TXNRD1: variants seen among roughly 807,000 people sequenced by gnomAD.
TXNRD1 encodes thioredoxin reductase 1, cytoplasmic.
In TXNRD1, 57 loss-of-function variants were observed where a neutral mutation model predicts 80.3. The ratio of observed to expected loss-of-function variants is 0.71; its 90% CI spans 0.57 to 0.89. The LOEUF (loss-of-function observed/expected upper bound fraction) is 0.89, where lower values mean the gene tolerates loss of function less well. Ranked by LOEUF, TXNRD1 falls within the 40% of genes least tolerant of loss-of-function variation. The probability of loss-of-function intolerance (pLI) is 0.00; values close to 1 mark genes in which losing one functional copy is unlikely to be tolerated. For synonymous variants in TXNRD1, 291 were observed against 285.2 expected, an observed-to-expected ratio of 1.02 and a Z score of -0.20; for missense variants, 730 against 803.0, an observed-to-expected ratio of 0.91 and a Z score of 1.10.
intron 4 of TXNRD1, among the ~76,000 whole-genome samples, chr12:104,298,100 A>C (rs1239431556): frequency 6.6e-6 from 1 of 152,220 alleles, no homozygotes; most frequent in African/African-American, 2.4e-5. Flanking sequence ...AGACTCTTTT[A>C]CTTCTCCAAT....
At chr12:104,307,588 G>GC (rs1342169733) in intron 4 of TXNRD1, among the ~76,000 whole-genome samples, 1 of 152,220 alleles carries the variant, frequency 6.6e-6, no homozygotes, top group African/African-American at 2.4e-5. Context: ...GAGTGGTAGA[G>GC]CAAGTATTTT....
intron 4 of TXNRD1, among the ~76,000 whole-genome samples, chr12:104,307,885 G>A (rs147411386): frequency 9.5e-4 from 144 of 152,304 alleles, no homozygotes; most frequent in Non-Finnish European, 1.5e-3. Flanking sequence ...ACAGTTGCCT[G>A]CAGGTCATCT....
At chr12:104,278,740 A>G (rs1593743187) in intron 3 of TXNRD1, among the ~76,000 whole-genome samples, 1 of 151,894 alleles carries the variant, frequency 6.6e-6, no homozygotes, top group Non-Finnish European at 1.5e-5. Context: ...TGACCTCGTG[A>G]TCCGCCCGCC....
chr12:104,231,060 T>C (rs1377975445), intron 1 of TXNRD1, among the ~76,000 whole-genome samples: 2 of 152,144 alleles, frequency 1.3e-5, no homozygotes, highest in Non-Finnish European at 2.9e-5. Context: ...ATATCAAAGG[T>C]TGCCTGCCCG....
At chr12:104,271,225 G>A (rs572891992) in intron 3 of TXNRD1, among the ~76,000 whole-genome samples, 18 of 136,940 alleles carry the variant, frequency 1.3e-4, no homozygotes, top group African/African-American at 5.1e-4. Context: ...TCGCTCTGTC[G>A]CCCAGGCTAG....
intron 2 of TXNRD1, among the ~76,000 whole-genome samples, chr12:104,255,087 C>T (rs2033220174): frequency 6.6e-6 from 1 of 151,650 alleles, no homozygotes; most frequent in Non-Finnish European, 1.5e-5. Flanking sequence ...GCCTGGGTGA[C>T]AGAGCAAGAC....
chr12:104,316,359 G>A (rs1593825378), intron 7 of TXNRD1, among the ~76,000 whole-genome samples: 1 of 152,034 alleles, frequency 6.6e-6, no homozygotes, highest in African/African-American at 2.4e-5. Context: ...CCCTAGATGA[G>A]TTTAAGAGAT....
At chr12:104,309,905 C>G (rs1241024908) in intron 4 of TXNRD1, 3 of 1,535,942 alleles carry the variant, frequency 2.0e-6, no homozygotes, top group Non-Finnish European at 2.6e-6. Context: ...AGGTGTTCTC[C>G]CTTCAGTCCC....
intron 1 of TXNRD1, among the ~76,000 whole-genome samples, chr12:104,247,797 G>A (rs1406986728): frequency 6.6e-6 from 1 of 152,206 alleles, no homozygotes; most frequent in Non-Finnish European, 1.5e-5. Flanking sequence ...TGGCATAGAT[G>A]TTATGTAAGG....
chr12:104,223,564 G>A (rs1256568606), intron 1 of TXNRD1, among the ~76,000 whole-genome samples: 1 of 152,232 alleles, frequency 6.6e-6, no homozygotes, highest in Non-Finnish European at 1.5e-5. Flanking sequence ...AGACCAAGGA[G>A]CATGGTTTCG....
intron 3 of TXNRD1, among the ~76,000 whole-genome samples, chr12:104,268,599 A>G (rs1005178253): frequency 2.6e-5 from 4 of 151,834 alleles, no homozygotes; most frequent in African/African-American, 9.7e-5. Context: ...GCTCACTGCA[A>G]ACTCTGCCTC....
At chr12:104,304,357 T>C in intron 4 of TXNRD1, 2 of 1,614,026 alleles carry the variant, frequency 1.2e-6, no homozygotes, top group Non-Finnish European at 8.5e-7. Flanking sequence ...AGTTGAGTGA[T>C]TGTGATGATA....
At chr12:104,269,885 A>T (rs865874648) in intron 3 of TXNRD1, among the ~76,000 whole-genome samples, 1 of 151,628 alleles carries the variant, frequency 6.6e-6, no homozygotes, top group South Asian at 2.1e-4. Flanking sequence ...GCTAATTTTT[A>T]ATTTTTTTTG....
At chr12:104,266,482 C>T (rs1362707044) in intron 3 of TXNRD1, among the ~76,000 whole-genome samples, 4 of 146,136 alleles carry the variant, frequency 2.7e-5, no homozygotes, top group African/African-American at 1.0e-4. Context: ...GTTGAGATCA[C>T]GCCACTGCAC....
chr12:104,298,109 A>G (rs1264908180), intron 4 of TXNRD1, among the ~76,000 whole-genome samples: 1 of 152,234 alleles, frequency 6.6e-6, no homozygotes, highest in Non-Finnish European at 1.5e-5. Flanking sequence ...TACTTCTCCA[A>G]TAATAATGCC....
At chr12:104,303,504 GTGTT>G (rs2034728036) in intron 4 of TXNRD1, among the ~76,000 whole-genome samples, 1 of 152,206 alleles carries the variant, frequency 6.6e-6, no homozygotes. Flanking sequence ...TTGTCCAAAA[GTGTT>G]TTTTTTTAAA....
intron 15 of TXNRD1, among the ~76,000 whole-genome samples, chr12:104,338,263 T>G (rs1396528375): frequency 6.6e-6 from 1 of 151,964 alleles, no homozygotes; most frequent in African/African-American, 2.4e-5. Flanking sequence ...TTTTGTATTT[T>G]TTCTCATAAA....
At chr12:104,251,812 TC>T in intron 2 of TXNRD1, 134 bp downstream of exon 2, 1 of 959,948 alleles carries the variant, frequency 1.0e-6, no homozygotes, top group Non-Finnish European at 1.5e-6. Context: ...ACACCTGTAA[TC>T]CCAGCACTTT....
intron 3 of TXNRD1, among the ~76,000 whole-genome samples, chr12:104,285,753 T>C (rs2033957217): frequency 6.6e-6 from 1 of 152,194 alleles, no homozygotes. Context: ...ATACAGAACT[T>C]GGCTTGGGAG....
Sources: gnomAD v4.1 joint callset for allele counts (sites outside exome capture counted in the v4.1 genomes callset) on GRCh38, gnomAD v4.1.1 for gene constraint, MANE v1.5 for transcripts, NCBI Gene and HGNC (gene_info 2026-07-23, HGNC 2026-07-21) for gene names.